RPS6KC1: variants seen among roughly 807,000 people sequenced by gnomAD.
RPS6KC1 encodes the protein ribosomal protein S6 kinase C1, also known as inactive ribosomal protein S6 kinase delta-1.
RPS6KC1 carries 54 observed loss-of-function variants against 103.8 expected under a neutral mutation model. The observed-to-expected ratio is 0.52, with a 90% confidence interval of 0.42 to 0.65. The LOEUF (loss-of-function observed/expected upper bound fraction) is 0.65. Among genes scored for constraint, RPS6KC1 ranks in the 30% least tolerant of loss-of-function variants. The pLI, the probability that RPS6KC1 is intolerant of heterozygous loss-of-function variation, is 0.00. For synonymous variants in RPS6KC1, 439 were observed against 438.7 expected (o/e 1.00, Z -0.01); for missense variants, 1,151 against 1,253.8 (o/e 0.92, Z 1.24).
chr1:213,805,702 C>T, the RPS6KC1 span, among the ~76,000 whole-genome samples: 1 of 152,170 alleles, frequency 6.6e-6, no homozygotes, highest in Non-Finnish European at 1.5e-5. Context: ...GATATTTTGA[C>T]CTCATCTTTT....
At chr1:213,311,171 C>T in the RPS6KC1 span, among the ~76,000 whole-genome samples, 1 of 150,510 alleles carries the variant, frequency 6.6e-6, no homozygotes, top group South Asian at 2.1e-4. Flanking sequence ...CGGAGTCTCG[C>T]TCTGTTGCCC....
the RPS6KC1 span, among the ~76,000 whole-genome samples, chr1:213,609,045 A>C: frequency 6.6e-6 from 1 of 152,226 alleles, no homozygotes; most frequent in Non-Finnish European, 1.5e-5. Flanking sequence ...TATAGTAGAA[A>C]AATAAGAACA....
Position 213,068,360 on chromosome 1 carries a change from T to C in RPS6KC1, c.106-2646T>C, listed in dbSNP as rs572240265. ...TTCGCTGGGCATGGTAGCACATGCC[T>C]GTAGTCCCAGGTACTCGGGAGGCTG... On this transcript the variant is annotated intron_variant, in intron 1 of 14. Transcript: ENST00000366960. Among the ~76,000 whole-genome samples the C allele has an allele frequency of 3.7e-3, 555 of 151,964 alleles. 2 individuals carry two copies. The highest frequency in any genetic ancestry group is 0.013 in the African/African-American group (536 of 41,416).
At chr1:213,182,595 G>A (rs185178852) in intron 8 of RPS6KC1, among the ~76,000 whole-genome samples, 5 of 151,624 alleles carry the variant, frequency 3.3e-5, no homozygotes, top group East Asian at 3.9e-4. Flanking sequence ...CAAACAGAAC[G>A]CAAAATATAA....
At chr1:213,151,051 C>G (rs2088719634) in intron 6 of RPS6KC1, among the ~76,000 whole-genome samples, 1 of 145,440 alleles carries the variant, frequency 6.9e-6, no homozygotes, top group Non-Finnish European at 1.5e-5. Flanking sequence ...GGGCTCCTCA[C>G]TTCCCAGTAG....
At chr1:213,420,652 C>T in the RPS6KC1 span, among the ~76,000 whole-genome samples, 1 of 152,264 alleles carries the variant, frequency 6.6e-6, no homozygotes, top group African/African-American at 2.4e-5. Flanking sequence ...CCAGAGTCCC[C>T]AAGGCCCACA....
At chr1:213,289,904 T>C in the RPS6KC1 span, among the ~76,000 whole-genome samples, 1 of 151,900 alleles carries the variant, frequency 6.6e-6, no homozygotes, top group Non-Finnish European at 1.5e-5. Context: ...CTGGGCGTGG[T>C]GGCGCGTGCC....
At chr1:213,105,329 T>G (rs1217785825) in intron 4 of RPS6KC1, among the ~76,000 whole-genome samples, 1 of 151,854 alleles carries the variant, frequency 6.6e-6, no homozygotes, top group Non-Finnish European at 1.5e-5. Context: ...TTTTCCCTGT[T>G]GCATTGAGTT....
the RPS6KC1 span, among the ~76,000 whole-genome samples, chr1:213,627,577 A>C: frequency 1.3e-5 from 2 of 152,110 alleles, no homozygotes; most frequent in African/African-American, 4.8e-5. Context: ...GATAGCTCTT[A>C]TTATTTTGTG....
At chr1:213,826,590 A>G in the RPS6KC1 span, among the ~76,000 whole-genome samples, 1 of 152,180 alleles carries the variant, frequency 6.6e-6, no homozygotes, top group African/African-American at 2.4e-5. Context: ...AATACTAAGA[A>G]TTTTAAGATG....
chr1:213,294,232 G>T, the RPS6KC1 span, among the ~76,000 whole-genome samples: 1 of 152,326 alleles, frequency 6.6e-6, no homozygotes, highest in African/African-American at 2.4e-5. Context: ...ACAAGAGGAA[G>T]AATTGATCTT....
At chr1:213,725,738 A>G in the RPS6KC1 span, among the ~76,000 whole-genome samples, 1 of 152,192 alleles carries the variant, frequency 6.6e-6, no homozygotes, top group South Asian at 2.1e-4. Flanking sequence ...GGTTGAACAT[A>G]TTTCACATGA....
chr1:213,182,872 CATAT>C (rs144888548), intron 8 of RPS6KC1, among the ~76,000 whole-genome samples: 1 of 145,908 alleles, frequency 6.9e-6, no homozygotes, highest in African/African-American at 2.6e-5. Flanking sequence ...GTATATATAT[CATAT>C]ATGATGCATA....
the RPS6KC1 span, among the ~76,000 whole-genome samples, chr1:213,472,598 A>C: frequency 1.3e-5 from 2 of 152,194 alleles, no homozygotes; most frequent in African/African-American, 4.8e-5. Context: ...ACGTGTCTTC[A>C]TGAAATGGAA....
the RPS6KC1 span, among the ~76,000 whole-genome samples, chr1:213,331,395 T>C: frequency 3.3e-5 from 5 of 152,112 alleles, no homozygotes; most frequent in Non-Finnish European, 7.4e-5. Flanking sequence ...GAAATGAAAA[T>C]AGTATGGTAA....
At chr1:213,155,403 C>A (rs983620172) in intron 6 of RPS6KC1, among the ~76,000 whole-genome samples, 1 of 152,146 alleles carries the variant, frequency 6.6e-6, no homozygotes, top group Non-Finnish European at 1.5e-5. Context: ...CCCTTGTTGG[C>A]GAGGTTTGCA....
intron 8 of RPS6KC1, among the ~76,000 whole-genome samples, chr1:213,179,368 T>C (rs1044798249): frequency 6.6e-6 from 1 of 151,146 alleles, no homozygotes; most frequent in African/African-American, 2.4e-5. Flanking sequence ...CGAGCCAAGA[T>C]TGCACCACTG....
intron 6 of RPS6KC1, among the ~76,000 whole-genome samples, chr1:213,162,407 A>G (rs1167561495): frequency 1.3e-5 from 2 of 151,946 alleles, no homozygotes; most frequent in African/African-American, 4.8e-5. Context: ...CAGCCTCCCC[A>G]GTAGCTGGGA....
the RPS6KC1 span, among the ~76,000 whole-genome samples, chr1:213,699,876 C>T: frequency 2.6e-5 from 4 of 151,966 alleles, no homozygotes; most frequent in Non-Finnish European, 5.9e-5. Flanking sequence ...AATCTTTTGC[C>T]CATTTTTTGA....
Sources: allele counts gnomAD v4.1 joint callset (sites outside exome capture counted in the v4.1 genomes callset), GRCh38; gene constraint gnomAD v4.1.1; transcripts MANE v1.5; gene names NCBI Gene and HGNC (gene_info 2026-07-23, HGNC 2026-07-21).